BCKDHB: variants seen among roughly 807,000 people sequenced by gnomAD.
BCKDHB encodes the protein 2-oxoisovalerate dehydrogenase subunit beta, mitochondrial.
In BCKDHB, 41 loss-of-function variants were observed where a neutral mutation model predicts 48.5. That is an observed-to-expected ratio of 0.85 (90% CI 0.66 to 1.10). BCKDHB has a LOEUF of 1.10. Among genes scored for constraint, BCKDHB ranks in the 50% least tolerant of loss-of-function variants. BCKDHB has a pLI of 0.00. For synonymous variants in BCKDHB, 201 were observed against 174.8 expected, an observed-to-expected ratio of 1.15 and a Z score of -1.18; for missense variants, 496 against 494.2, an observed-to-expected ratio of 1.00 and a Z score of -0.03.
rs1356308345 is a variant in BCKDHB, at chr6:80,322,879, CT to C, written c.1039-20776del. 2.4e-4 allele frequency among the ~76,000 whole-genome samples: 31 copies of C among 129,790 alleles called. 1 individual carries two copies. Among genetic ancestry groups the C allele is most frequent in the East Asian group, 1.2e-3 (5 of 4,148 alleles). The allele number at this position is 129,790 out of a possible 152,430, so 85.1% of individuals were successfully genotyped here. A position where few individuals can be genotyped will look rare whatever the true frequency, so the allele number is the denominator to read the frequency against. On this transcript the variant is annotated intron_variant, in intron 9 of 9. Transcript: ENST00000320393. ...TCTGTTACTTCTCCTAATGATTCTT[CT>C]TTTTTTTTCTTTTTTCTTTTTTTTT...
intron 9 of BCKDHB, among the ~76,000 whole-genome samples, chr6:80,273,580 T>C (rs1777844617): frequency 6.6e-6 from 1 of 152,162 alleles, no homozygotes; most frequent in African/African-American, 2.4e-5. Flanking sequence ...TCCCTGTTTA[T>C]ATGACTTGAG....
chr6:80,388,940 G>A, the BCKDHB span, among the ~76,000 whole-genome samples: 1 of 152,198 alleles, frequency 6.6e-6, no homozygotes, highest in Non-Finnish European at 1.5e-5. Flanking sequence ...GGCCAGATGT[G>A]TGATTATATA....
chr6:80,294,977 C>G (rs766128490), intron 9 of BCKDHB, among the ~76,000 whole-genome samples: 12 of 152,114 alleles, frequency 7.9e-5, no homozygotes, highest in Non-Finnish European at 1.3e-4. Flanking sequence ...TGTACCTACT[C>G]CCAGTTTTAC....
chr6:80,334,624 C>G (rs1421001517), intron 9 of BCKDHB, among the ~76,000 whole-genome samples: 1 of 126,960 alleles, frequency 7.9e-6, no homozygotes, highest in East Asian at 2.3e-4. Flanking sequence ...CTATGGCACC[C>G]AAGATTAACT....
At chr6:80,426,422 A>G in the BCKDHB span, among the ~76,000 whole-genome samples, 1 of 152,134 alleles carries the variant, frequency 6.6e-6, no homozygotes, top group Admixed American at 6.5e-5. Flanking sequence ...AGCTTAGATC[A>G]TTGATTCAGA....
chr6:80,414,454 T>A, the BCKDHB span, among the ~76,000 whole-genome samples: 1 of 152,188 alleles, frequency 6.6e-6, no homozygotes. Flanking sequence ...TAATCTATCT[T>A]AATTTTTGTA....
At chr6:80,129,663 C>T (rs1770530172) in intron 3 of BCKDHB, among the ~76,000 whole-genome samples, 1 of 151,926 alleles carries the variant, frequency 6.6e-6, no homozygotes, top group African/African-American at 2.4e-5. Flanking sequence ...GGAACTGGCT[C>T]ATGTGAGTTT....
intron 6 of BCKDHB, among the ~76,000 whole-genome samples, chr6:80,194,114 T>A (rs1192698156): frequency 1.3e-5 from 2 of 152,146 alleles, no homozygotes; most frequent in Non-Finnish European, 2.9e-5. Flanking sequence ...TCATAGTCGG[T>A]TTTCAATGAC....
chr6:80,253,701 G>C (rs1020018677), intron 8 of BCKDHB, among the ~76,000 whole-genome samples: 15 of 152,170 alleles, frequency 9.9e-5, no homozygotes, highest in African/African-American at 3.6e-4. Flanking sequence ...TGATATAGTA[G>C]TCACAGGAGA....
At chr6:80,157,167 G>A (rs1772083862) in intron 3 of BCKDHB, among the ~76,000 whole-genome samples, 1 of 151,482 alleles carries the variant, frequency 6.6e-6, no homozygotes. Context: ...ATTTTCTATG[G>A]GTTGCTTAAA....
intron 9 of BCKDHB, among the ~76,000 whole-genome samples, chr6:80,278,975 TA>T (rs1446387193): frequency 6.6e-6 from 1 of 152,170 alleles, no homozygotes; most frequent in Non-Finnish European, 1.5e-5. Flanking sequence ...ATTTGTGTAA[TA>T]AAATGATTAT....
chr6:80,191,528 AT>A (rs1046296432), intron 6 of BCKDHB, among the ~76,000 whole-genome samples: 2 of 152,152 alleles, frequency 1.3e-5, no homozygotes, highest in African/African-American at 4.8e-5. Context: ...AAGCCACTAT[AT>A]TTCATTGATT....
At chr6:80,326,950 T>G (rs1293233826) in intron 9 of BCKDHB, among the ~76,000 whole-genome samples, 2 of 152,202 alleles carry the variant, frequency 1.3e-5, no homozygotes, top group African/African-American at 2.4e-5. Context: ...CCTTGTTTAT[T>G]ACTTGACTCC....
At chr6:80,275,100 T>A (rs1344212581) in intron 9 of BCKDHB, among the ~76,000 whole-genome samples, 1 of 152,044 alleles carries the variant, frequency 6.6e-6, no homozygotes, top group East Asian at 1.9e-4. Flanking sequence ...ACAAAGCATC[T>A]TGTAGCACTC....
intron 5 of BCKDHB, among the ~76,000 whole-genome samples, chr6:80,170,640 G>T (rs566453194): frequency 6.6e-6 from 1 of 152,256 alleles, no homozygotes; most frequent in South Asian, 2.1e-4. Flanking sequence ...AAGTTTACAC[G>T]TGTACTTCCT....
chr6:80,307,029 C>T (rs1038229680), intron 9 of BCKDHB, among the ~76,000 whole-genome samples: 2 of 152,184 alleles, frequency 1.3e-5, no homozygotes, highest in Non-Finnish European at 2.9e-5. Context: ...GAGCCGGGGT[C>T]CTCAAGCCTC....
chr6:80,235,974 A>G lies in BCKDHB; in HGVS notation c.951+32762A>G, dbSNP rs146685426. Among the ~76,000 whole-genome samples the G allele has an allele frequency of 6.7e-3, 1,013 of 152,302 alleles. 9 individuals are homozygous for G. The highest frequency in any genetic ancestry group is 8.9e-3 in the Non-Finnish European group (605 of 68,028). On this transcript the variant is annotated intron_variant, in intron 8 of 9. Coordinates refer to ENST00000320393, the MANE Select transcript of BCKDHB (RefSeq NM_183050.4). ...GACTAATTGCCAGTAAGATCAGGCA[A>G]TGCTGGTCAACCAGGCAACTTAACC...
chr6:80,317,156 T>C (rs1768489916), intron 9 of BCKDHB, among the ~76,000 whole-genome samples: 1 of 152,182 alleles, frequency 6.6e-6, no homozygotes, highest in Non-Finnish European at 1.5e-5. Flanking sequence ...CCTTTACCCT[T>C]AAGGGGCAGA....
At chr6:80,206,136 A>T (rs1056677179) in intron 8 of BCKDHB, among the ~76,000 whole-genome samples, 1 of 152,096 alleles carries the variant, frequency 6.6e-6, no homozygotes, top group African/African-American at 2.4e-5. Flanking sequence ...TAATGAAGTG[A>T]CAAAGACCCA....
Sources: allele counts gnomAD v4.1 joint callset (sites outside exome capture counted in the v4.1 genomes callset), GRCh38; gene constraint gnomAD v4.1.1; transcripts MANE v1.5; gene names NCBI Gene and HGNC (gene_info 2026-07-23, HGNC 2026-07-21).